The following TRIM37 variants were observed in gnomAD, a reference collection of about 807,000 sequenced individuals.
The protein encoded by TRIM37 is tripartite motif containing 37, also known as E3 ubiquitin-protein ligase TRIM37.
TRIM37 carries 80 observed loss-of-function variants against 129.8 expected under a neutral mutation model. The ratio of observed to expected loss-of-function variants is 0.62; its 90% confidence interval spans 0.51 to 0.74. TRIM37 has a LOEUF of 0.74. TRIM37 is among the 30% of genes least tolerant of loss of function. TRIM37 has a pLI of 0.00. For synonymous variants in TRIM37, 389 were observed against 387.1 expected (o/e 1.00, Z -0.06); for missense variants, 1,054 against 1,176.5 (o/e 0.90, Z 1.52).
intron 13 of TRIM37, among the ~76,000 whole-genome samples, chr17:59,053,169 T>G (rs1033671122): frequency 2.4e-4 from 37 of 152,326 alleles, no homozygotes; most frequent in African/African-American, 8.4e-4. Flanking sequence ...ACTCTGCACA[T>G]TAGTTCTAAT....
intron 19 of TRIM37, among the ~76,000 whole-genome samples, chr17:59,024,183 C>T (rs895868944): frequency 5.1e-5 from 7 of 137,800 alleles, no homozygotes; most frequent in Non-Finnish European, 9.1e-5. Context: ...CATCGCACTC[C>T]AGGCTGGGCA....
At position 59,015,668 on chromosome 17, in the gene TRIM37, C is replaced by G. The variant is rs1359023756; in HGVS notation, c.2518G>C (p.Val840Leu). Reference sequence around the variant, plus strand: ...GCAGGCAAGCCACTGAAAACTGCAACCACAACAGCATCTGAATCCAAAGCT... The same window carrying G: ...GCAGGCAAGCCACTGAAAACTGCAAGCACAACAGCATCTGAATCCAAAGCT... ...CKALDSDAVV[V>L]AVFSGLPAVE... The change falls in exon 21 of 24, where the codon GTT (valine) becomes CTT (leucine). Residue 840 changes from valine (V) to leucine (L), a missense_variant. By Grantham distance (32) the Val-to-Leu change is conservative. Coordinates refer to ENST00000262294, the MANE Select transcript of TRIM37 (RefSeq NM_015294.6). 3 of 1,614,054 alleles carry G rather than the reference C, an allele frequency of 1.9e-6. No homozygotes were observed. The highest frequency in any genetic ancestry group is 2.5e-6 in the Non-Finnish European group (3 of 1,180,052).
chr17:58,976,727 G>C, the TRIM37 span, among the ~76,000 whole-genome samples: 3 of 152,158 alleles, frequency 2.0e-5, no homozygotes, highest in Non-Finnish European at 4.4e-5. Flanking sequence ...ACACCCAACA[G>C]TAGAGCAGGT....
At chr17:59,004,123 A>T (rs2034160244) in intron 22 of TRIM37, among the ~76,000 whole-genome samples, 1 of 152,018 alleles carries the variant, frequency 6.6e-6, no homozygotes, top group Non-Finnish European at 1.5e-5. Context: ...AGAGGAAGGA[A>T]GGAAGAATTA....
At chr17:59,082,728 A>G (rs1374899968) in intron 5 of TRIM37, among the ~76,000 whole-genome samples, 2 of 152,206 alleles carry the variant, frequency 1.3e-5, no homozygotes, top group African/African-American at 4.8e-5. Flanking sequence ...GAAACCTCCT[A>G]TAAGTTCTTA....
In TRIM37 at chr17:59,051,439, T is replaced by C. The variant is rs558799689; in HGVS notation, c.1200-111A>G. On this transcript the variant is annotated intron_variant, in intron 13 of 23. Coordinates refer to ENST00000262294, the MANE Select transcript of TRIM37 (RefSeq NM_015294.6). ...CTTGATTATAAGGCCAAAATTCACA[T>C]AAACTTAGAGCTGCTAGTATTTGTT... 2.6e-5 allele frequency: 19 copies of C among 744,884 alleles called. No homozygotes were observed. In the African/African-American group the frequency reaches 2.6e-4, roughly 10 times the overall value. The allele number at this position is 744,884 out of a possible 1,614,324, so 46.1% of individuals were successfully genotyped here.
intron 24 of TRIM37, among the ~76,000 whole-genome samples, chr17:58,990,093 G>T (rs1457759577): frequency 7.3e-6 from 1 of 137,900 alleles, no homozygotes; most frequent in African/African-American, 2.7e-5. Context: ...TGGGAGGATT[G>T]CTTGAGCCCA....
At chr17:59,010,860 T>C (rs1567964320) in intron 22 of TRIM37, among the ~76,000 whole-genome samples, 4 of 152,086 alleles carry the variant, frequency 2.6e-5, no homozygotes, top group Admixed American at 2.0e-4. Context: ...CCAGTATGTA[T>C]GGAGACACAT....
At chr17:58,977,343 T>C in the TRIM37 span, among the ~76,000 whole-genome samples, 3,306 of 150,902 alleles carry the variant, frequency 0.022, 115 homozygotes, top group African/African-American at 0.076. Context: ...CTTGGGAGGC[T>C]GAGGCAGGAG....
At position 58,999,406 on chromosome 17, in the gene TRIM37, AG is replaced by A; in HGVS notation, c.2865del (p.Phe956SerfsTer51). On this transcript the variant is annotated frameshift_variant, in exon 24 of 24. Coordinates refer to ENST00000262294, the MANE Select transcript of TRIM37 (RefSeq NM_015294.6). LOFTEE classifies it high-confidence loss of function. ...CTTCCACTATTTTCATCTGTATTGAAGCTGAGATCTTCAGGGCCTATTTGTT... is the reference window on the plus strand; with the variant it reads ...CTTCCACTATTTTCATCTGTATTGAACTGAGATCTTCAGGGCCTATTTGTT... ...DGEQIGPEDL[S>X]FNTDENSGR is the part of the protein sequence containing the mutation. 1 of 1,613,962 alleles carries A rather than the reference AG, an allele frequency of 6.2e-7. No homozygotes were observed. The highest frequency in any genetic ancestry group is 1.1e-5 in the South Asian group (1 of 91,080).
In TRIM37 at chr17:59,088,345, A is replaced by G. The variant is rs386834004; in HGVS notation, c.227T>C (p.Leu76Pro). 2 of 1,613,914 alleles carry G rather than the reference A, an allele frequency of 1.2e-6. No individual in the cohort carries two copies. The change falls in exon 4 of 24, where the codon CTT (leucine) becomes CCT (proline). Residue 76 changes from leucine (L) to proline (P), a missense_variant. Leu to Pro is a moderately conservative substitution (Grantham distance 98). Around this residue, in one of 3 missense-constraint regions of TRIM37, gnomAD observed 752 missense variants for 870.8 expected, o/e 0.86. Transcript: ENST00000262294. ...GAGACTGCAGAGTTGAAGAGTATCA[A>G]GCTGTTGTGTTACTTCTTCTGCCCA... ...CRWAEEVTQQLDTLQLCSLTK... is the reference protein window; with the variant it reads ...CRWAEEVTQQPDTLQLCSLTK...
At chr17:58,983,625 AAAGT>A (rs1435118630) in intron 24 of TRIM37, 1 of 152,610 alleles carries the variant, frequency 6.6e-6, no homozygotes, top group African/African-American at 2.4e-5. Flanking sequence ...GACAGATATA[AAAGT>A]ATCTATATAA....
At chr17:59,059,888 A>G (rs2041321472) in intron 12 of TRIM37, among the ~76,000 whole-genome samples, 1 of 152,090 alleles carries the variant, frequency 6.6e-6, no homozygotes, top group African/African-American at 2.4e-5. Context: ...AAATTTCTCC[A>G]CCGTGGCAGG....
downstream of TRIM37, chr17:58,982,465 AG>A (rs2143843551): frequency 6.3e-6 from 1 of 158,492 alleles, no homozygotes; most frequent in African/African-American, 2.4e-5. Flanking sequence ...CTCACTAACA[AG>A]GGTGAGTGCT....
At chr17:59,010,837 A>C (rs2035160132) in intron 22 of TRIM37, among the ~76,000 whole-genome samples, 1 of 152,098 alleles carries the variant, frequency 6.6e-6, no homozygotes, top group Admixed American at 6.6e-5. Flanking sequence ...GTAGTAATTT[A>C]AGCTACTACA....
intron 19 of TRIM37, among the ~76,000 whole-genome samples, chr17:59,023,479 C>T (rs1598956933): frequency 1.3e-5 from 2 of 151,968 alleles, no homozygotes; most frequent in South Asian, 4.2e-4. Context: ...TGGTGAAACC[C>T]CGTCTCTACT....
At chr17:59,059,934 C>A (rs1226375816) in intron 12 of TRIM37, among the ~76,000 whole-genome samples, 1 of 152,178 alleles carries the variant, frequency 6.6e-6, no homozygotes, top group Non-Finnish European at 1.5e-5. Context: ...CGTGTGAACA[C>A]CAGTCACTCA....
chr17:59,060,108 G>A (rs1332319384), intron 12 of TRIM37, among the ~76,000 whole-genome samples: 5 of 152,122 alleles, frequency 3.3e-5, no homozygotes, highest in African/African-American at 1.2e-4. Context: ...TGTCCAATGC[G>A]CTCTAGCTGT....
intron 2 of TRIM37, among the ~76,000 whole-genome samples, chr17:59,095,160 T>C (rs991910139): frequency 6.6e-6 from 1 of 151,894 alleles, no homozygotes; most frequent in Non-Finnish European, 1.5e-5. Flanking sequence ...AGGGCTGCAG[T>C]GAGCCATGAT....
Sources: allele counts gnomAD v4.1 joint callset (sites outside exome capture counted in the v4.1 genomes callset), GRCh38; gene constraint gnomAD v4.1.1; regional missense constraint gnomAD v4.1.1; transcripts MANE v1.5; gene names NCBI Gene and HGNC (gene_info 2026-07-23, HGNC 2026-07-21).